Variants in ZNF528 observed in about 807,000 individuals in gnomAD.
ZNF528 encodes zinc finger protein 528.
A neutral mutation model predicts 13.3 loss-of-function variants in ZNF528; 9 were observed. That is an observed-to-expected ratio of 0.67 (90% confidence interval 0.41 to 1.18). The LOEUF is 1.18. Among genes scored for constraint, ZNF528 ranks in the 50% most tolerant of loss-of-function variants. The probability of loss-of-function intolerance (pLI) is 0.01; values close to 1 mark genes in which losing one functional copy is unlikely to be tolerated. For missense variants in ZNF528, 858 were observed against 745.4 expected (o/e 1.15, Z -1.76); for synonymous variants, 264 against 254.3 (o/e 1.04, Z -0.36).
intron 6 of ZNF528, 114 bp downstream of exon 6, chr19:52,406,757 G>C (rs1169235792): frequency 7.4e-7 from 1 of 1,352,874 alleles, no homozygotes; most frequent in Admixed American, 2.7e-5. Flanking sequence ...CTGCAGCCTT[G>C]AATTCCTGGA....
chr19:52,416,853 T>C lies in ZNF528; in HGVS notation c.*114T>C. 8.8e-7 allele frequency: 1 copy of C among 1,130,832 alleles called. No homozygotes were observed. Among genetic ancestry groups the C allele is most frequent in the Non-Finnish European group, 1.2e-6 (1 of 810,956 alleles). The allele number at this position is 1,130,832 out of a possible 1,614,324, so 70.0% of individuals were successfully genotyped here. Reference sequence around the variant, plus strand: ...AAATGAAATGTATGTGACACAGGCTTTATCAAGGCCTGCCAAATCACTGGA... The same window carrying C: ...AAATGAAATGTATGTGACACAGGCTCTATCAAGGCCTGCCAAATCACTGGA... On this transcript the variant is annotated 3_prime_UTR_variant, in exon 7 of 7. Transcript: ENST00000360465.
At position 52,416,330 on chromosome 19, in the gene ZNF528, A is replaced by G. The variant is rs531424057; in HGVS notation, c.1478A>G (p.Tyr493Cys). Residue 493 changes from tyrosine to cysteine, a missense_variant, in exon 7 of 7, where the codon TAC becomes TGC. Coordinates refer to ENST00000360465, the MANE Select transcript of ZNF528 (RefSeq NM_032423.3). ...HHRIHTGEKPYKCNRCGKVFS... is the reference protein window; with the variant it reads ...HHRIHTGEKPCKCNRCGKVFS... ...AGAATTCATACTGGAGAGAAGCCTTACAAATGTAACAGATGTGGCAAGGTC... is the reference window on the plus strand; with the variant it reads ...AGAATTCATACTGGAGAGAAGCCTTGCAAATGTAACAGATGTGGCAAGGTC... 6.2e-7 allele frequency: 1 copy of G among 1,614,152 alleles called. No homozygotes were observed. Among genetic ancestry groups the G allele is most frequent in the South Asian group, 1.1e-5 (1 of 91,082 alleles).
chr19:52,410,348 G>A (rs2058914723), intron 6 of ZNF528, among the ~76,000 whole-genome samples: 1 of 152,162 alleles, frequency 6.6e-6, no homozygotes, highest in South Asian at 2.1e-4. Flanking sequence ...GGAGAAGGGT[G>A]GGGGTGATTG....
At position 52,414,435 on chromosome 19, in the gene ZNF528, C is replaced by T. The variant is rs372800174; in HGVS notation, c.272-689C>T. On this transcript the variant is annotated intron_variant, in intron 6 of 6. Coordinates refer to ENST00000360465, the MANE Select transcript of ZNF528 (RefSeq NM_032423.3). ...AACAAGGGCCCTGAGCTTTAGAGCC[C>T]TTTGTATTTTATTGGGTAAAGGAGA... The T allele has an allele frequency of 1.6e-4, 101 of 622,730 alleles. No homozygotes were observed. In the East Asian group the frequency reaches 2.7e-3, roughly 17 times the overall value. 38.6% of individuals were successfully genotyped at this position (622,730 alleles called of 1,614,324 possible). A position where few individuals can be genotyped will look rare whatever the true frequency, so the allele number is the denominator to read the frequency against.
chr19:52,406,728 C>A, intron 6 of ZNF528, 85 bp downstream of exon 6: 1 of 1,491,332 alleles, frequency 6.7e-7, no homozygotes, highest in Non-Finnish European at 8.9e-7. Flanking sequence ...GGCTAGAGTG[C>A]GGTGGCAATC....
intron 4 of ZNF528, among the ~76,000 whole-genome samples, chr19:52,402,990 T>C (rs777924458): frequency 7.2e-5 from 11 of 152,174 alleles, no homozygotes; most frequent in Non-Finnish European, 1.6e-4. Context: ...CCTAGTGAGA[T>C]CCTGTCTAAA....
At chr19:52,400,396 T>C (rs1159205305) in intron 2 of ZNF528, among the ~76,000 whole-genome samples, 1 of 152,116 alleles carries the variant, frequency 6.6e-6, no homozygotes, top group African/African-American at 2.4e-5. Context: ...GTTTAGGCGC[T>C]CTCTCACTCT....
rs754692954 is a variant in ZNF528 at position 52,416,480 on chromosome 19, A to T, written c.1628A>T (p.His543Leu). The T allele has an allele frequency of 1.9e-6, 3 of 1,614,066 alleles. No individual in the cohort carries two copies. The highest frequency in any genetic ancestry group is 2.2e-5 in the East Asian group (1 of 44,896). The change falls in exon 7 of 7, where the codon CAT becomes CTT. Residue 543 changes from histidine to leucine, a missense_variant. Physicochemically the swap from His to Leu is moderately conservative, Grantham distance 99 (BLOSUM62 -3). Coordinates refer to ENST00000360465, the MANE Select transcript of ZNF528 (RefSeq NM_032423.3). Reference protein sequence around the residue: ...ASYLTRHQIIHTGERPYRCSK... With the variant: ...ASYLTRHQIILTGERPYRCSK... ...TACCTTACAAGACATCAAATAATTC[A>T]TACTGGAGAGAGGCCTTACAGATGT...
At position 52,413,897 on chromosome 19, in the gene ZNF528, A is replaced by G. The variant is rs541717350; in HGVS notation, c.272-1227A>G. 20 of 278,356 alleles carry G rather than the reference A, an allele frequency of 7.2e-5. No individual in the cohort carries two copies. In the South Asian group the frequency reaches 9.6e-4, roughly 13 times the overall value. The allele number at this position is 278,356 out of a possible 1,614,324, so 17.2% of individuals were successfully genotyped here. Reference sequence around the variant, plus strand: ...TTAATCCTTTTCCTGCTGTGTCCCAATTTTCCACATCAAGAGTGCCTGCCT... The same window carrying G: ...TTAATCCTTTTCCTGCTGTGTCCCAGTTTTCCACATCAAGAGTGCCTGCCT... On this transcript the variant is annotated intron_variant, in intron 6 of 6. Coordinates refer to ENST00000360465, the MANE Select transcript of ZNF528 (RefSeq NM_032423.3).
intron 6 of ZNF528, chr19:52,414,610 T>C (rs1466957696): frequency 3.0e-5 from 13 of 427,568 alleles, no homozygotes; most frequent in Non-Finnish European, 1.7e-5. Context: ...CAGCAAACCT[T>C]CTGGTGTCAG....
Position 52,406,549 on chromosome 19 carries a change from G to C in ZNF528, c.177G>C (p.Met59Ile). 6.2e-7 allele frequency: 1 copy of C among 1,614,068 alleles called. No homozygotes were observed. Among genetic ancestry groups the C allele is most frequent in the Non-Finnish European group, 8.5e-7 (1 of 1,179,986 alleles). The change falls in exon 6 of 7, where the codon ATG becomes ATC. Residue 59 changes from methionine (M) to isoleucine (I), a missense_variant. Met to Ile is a conservative substitution (Grantham distance 10, BLOSUM62 1). Transcript: ENST00000360465. Reference sequence around the variant, plus strand: ...TTCCTGACCTGAGTGTTACCTCCATGTTAGAGCAAAAGAGAGATCCCTGGA... The same window carrying C: ...TTCCTGACCTGAGTGTTACCTCCATCTTAGAGCAAAAGAGAGATCCCTGGA... ...ICLPDLSVTSMLEQKRDPWTL... is the reference protein window; with the variant it reads ...ICLPDLSVTSILEQKRDPWTL...
chr19:52,409,213 T>G (rs1254915169), intron 6 of ZNF528, among the ~76,000 whole-genome samples: 1 of 152,186 alleles, frequency 6.6e-6, no homozygotes, highest in Non-Finnish European at 1.5e-5. Context: ...AGATTTTGTC[T>G]TTGTCTTTTT....
intron 6 of ZNF528, chr19:52,406,915 G>T (rs1465583494): frequency 4.9e-6 from 2 of 406,018 alleles, no homozygotes; most frequent in Non-Finnish European, 8.6e-6. Flanking sequence ...TTGAAATCTT[G>T]TGAGTTCTGA....
rs114853555 is a variant in ZNF528, at chr19:52,400,140, C to T, written c.-137+1521C>T. Among the ~76,000 whole-genome samples the T allele has an allele frequency of 8.9e-3, 1,355 of 151,970 alleles. 15 individuals carry two copies. Among genetic ancestry groups the T allele is most frequent in the African/African-American group, 0.031 (1,266 of 41,392 alleles). ...CCCCATTCACTCTCTCCTGATGCCA[C>T]GGCATCCCTCCTCCACAGTGTCATC... On this transcript the variant is annotated intron_variant, in intron 2 of 6. Transcript: ENST00000360465.
At chr19:52,401,872 C>G in intron 3 of ZNF528, 75 bp from the exon 4 acceptor site, 1 of 1,556,642 alleles carries the variant, frequency 6.4e-7, no homozygotes, top group Non-Finnish European at 8.7e-7. Context: ...TGAGGTCTTC[C>G]CTTTGTGTGT....
At chr19:52,400,227 AACACACACACACACACAC>A (rs56136198) in intron 2 of ZNF528, among the ~76,000 whole-genome samples, 26 of 144,714 alleles carry the variant, frequency 1.8e-4, no homozygotes, top group African/African-American at 5.9e-4. Flanking sequence ...TGCCCATTAA[AACACACACACACACACAC>A]ACACACACAC....
At chr19:52,406,694 G>C in intron 6 of ZNF528, 51 bp downstream of exon 6, 1 of 1,577,226 alleles carries the variant, frequency 6.3e-7, no homozygotes, top group East Asian at 2.2e-5. Flanking sequence ...TGTTTTTTGA[G>C]ACAGGGTCTA....
chr19:52,415,466 T>TA lies in ZNF528; in HGVS notation c.616dup (p.Ile206AsnfsTer3). 6.2e-7 allele frequency: 1 copy of TA among 1,614,194 alleles called. No individual in the cohort carries two copies. Among genetic ancestry groups the TA allele is most frequent in the South Asian group, 1.1e-5 (1 of 91,086 alleles). On this transcript the variant is annotated frameshift_variant, in exon 7 of 7. Coordinates refer to ENST00000360465, the MANE Select transcript of ZNF528 (RefSeq NM_032423.3). LOFTEE classifies it low-confidence loss of function (END_TRUNC). ...GCATCTGCAAGCCTTACTAACCAAG[T>TA]AATCCATAACGCAGATAATCCTTAC...
At chr19:52,402,116 A>G in intron 4 of ZNF528, 88 bp downstream of exon 4, 1 of 1,593,148 alleles carries the variant, frequency 6.3e-7, no homozygotes. Flanking sequence ...ACTCTGAAGC[A>G]TCCTGCCTGA....
Sources: gnomAD v4.1 joint callset for allele counts (sites outside exome capture counted in the v4.1 genomes callset) on GRCh38, gnomAD v4.1.1 for gene constraint, MANE v1.5 for transcripts, NCBI Gene and HGNC (gene_info 2026-07-23, HGNC 2026-07-21) for gene names.